CCSER2: variants seen among roughly 807,000 people sequenced by gnomAD.
CCSER2 encodes serine-rich coiled-coil domain-containing protein 2.
Under a neutral mutation model 92.3 loss-of-function variants are expected in CCSER2, and 46 were observed. The ratio of observed to expected loss-of-function variants is 0.50; its 90% CI spans 0.39 to 0.64. CCSER2 has a LOEUF of 0.64. Among genes scored for constraint, CCSER2 ranks in the 30% least tolerant of loss-of-function variants. The pLI is 0.00. For missense variants in CCSER2, 1,244 were observed against 1,238.9 expected (o/e 1.00, Z -0.06); for synonymous variants, 433 against 431.4 (o/e 1.00, Z -0.04).
intron 7 of CCSER2, among the ~76,000 whole-genome samples, chr10:84,468,151 C>T (rs1004037911): frequency 1.3e-5 from 2 of 152,128 alleles, no homozygotes; most frequent in Non-Finnish European, 2.9e-5. Context: ...CTTCTCCAGA[C>T]GTGCTATGCT....
chr10:84,430,932 G>A (rs1843728165), intron 5 of CCSER2, among the ~76,000 whole-genome samples: 1 of 152,076 alleles, frequency 6.6e-6, no homozygotes, highest in African/African-American at 2.4e-5. Context: ...CATTTGTCAT[G>A]CTTTATTTTT....
rs572251402 is a variant in CCSER2, at chr10:84,389,319, G to A, written c.1614+15504G>A. On this transcript the variant is annotated intron_variant, in intron 3 of 9. Transcript: ENST00000372088. ...CTGGCTAAAGATCAGTGCCACATCT[G>A]TCGAGCAATGTTGACAATCTCATCA... 323 of 522,936 alleles carry A rather than the reference G, an allele frequency of 6.2e-4. 7 individuals carry two copies. The highest frequency in any genetic ancestry group is 3.5e-3 in the South Asian group (253 of 72,208). 32.4% of individuals were successfully genotyped at this position (522,936 alleles called of 1,614,324 possible).
chr10:84,434,563 T>A (rs1470787124), intron 5 of CCSER2, among the ~76,000 whole-genome samples: 2 of 152,224 alleles, frequency 1.3e-5, no homozygotes, highest in African/African-American at 4.8e-5. Context: ...ATTTTAACAG[T>A]TGGTAAATAT....
intron 5 of CCSER2, among the ~76,000 whole-genome samples, chr10:84,426,450 A>G (rs1254875363): frequency 2.6e-5 from 4 of 152,188 alleles, no homozygotes; most frequent in Non-Finnish European, 4.4e-5. Flanking sequence ...CCTGGCGCAG[A>G]TTAGCTTTGC....
At chr10:84,412,337 A>T (rs920203905) in intron 3 of CCSER2, among the ~76,000 whole-genome samples, 34 of 151,638 alleles carry the variant, frequency 2.2e-4, no homozygotes, top group African/African-American at 7.5e-4. Context: ...CTCCTTTTTA[A>T]TTTTTTTGAA....
intron 1 of CCSER2, among the ~76,000 whole-genome samples, chr10:84,336,041 C>T (rs968236296): frequency 2.0e-5 from 3 of 152,072 alleles, no homozygotes; most frequent in African/African-American, 7.2e-5. Flanking sequence ...AATTTTTTCT[C>T]AGGTATATTT....
chr10:84,391,399 G>T (rs908847323), intron 3 of CCSER2: 1 of 1,492,260 alleles, frequency 6.7e-7, no homozygotes, highest in South Asian at 1.1e-5. Flanking sequence ...TGCATCAGTG[G>T]ATGCAGGATA....
intron 7 of CCSER2, among the ~76,000 whole-genome samples, chr10:84,466,917 G>A (rs1256270990): frequency 6.6e-6 from 1 of 152,130 alleles, no homozygotes; most frequent in Non-Finnish European, 1.5e-5. Flanking sequence ...GCTCTTCTGT[G>A]TTCTTAACTC....
intron 1 of CCSER2, among the ~76,000 whole-genome samples, chr10:84,343,964 CAGT>C (rs1844341448): frequency 6.6e-6 from 1 of 152,190 alleles, no homozygotes. Context: ...GTTTAATTGT[CAGT>C]TAATACCCAG....
chr10:84,450,018 TTAA>T (rs1322455474), intron 6 of CCSER2, among the ~76,000 whole-genome samples: 4 of 152,242 alleles, frequency 2.6e-5, no homozygotes, highest in African/African-American at 9.6e-5. Flanking sequence ...ATGTTAGCAG[TTAA>T]TAATAGCAAC....
intron 3 of CCSER2, among the ~76,000 whole-genome samples, chr10:84,406,334 T>C (rs1842375165): frequency 6.6e-6 from 1 of 152,220 alleles, no homozygotes; most frequent in South Asian, 2.1e-4. Flanking sequence ...TTCTGCATCC[T>C]AATTGCGTAG....
intron 1 of CCSER2, among the ~76,000 whole-genome samples, chr10:84,334,145 T>C (rs1843713152): frequency 6.6e-6 from 1 of 152,174 alleles, no homozygotes; most frequent in African/African-American, 2.4e-5. Flanking sequence ...GACATGAGCA[T>C]GTAGAATGCT....
chr10:84,511,518 A>C (rs895314770), intron 9 of CCSER2, among the ~76,000 whole-genome samples: 1 of 152,248 alleles, frequency 6.6e-6, no homozygotes, highest in African/African-American at 2.4e-5. Flanking sequence ...TATTACAATA[A>C]AGTCCATTTT....
rs143525691 is a variant in CCSER2 at position 84,448,153 on chromosome 10, C to T, written c.2064+9446C>T. 1.6e-3 allele frequency among the ~76,000 whole-genome samples: 248 copies of T among 152,150 alleles called. 2 individuals are homozygous for T. Among genetic ancestry groups the T allele is most frequent in the African/African-American group, 5.6e-3 (231 of 41,516 alleles). On this transcript the variant is annotated intron_variant, in intron 6 of 9. Coordinates refer to ENST00000372088, the MANE Select transcript of CCSER2 (RefSeq NM_001284240.2). ...TGACACTGCACATCAGTTGAGTCTACGCATGGATGCCCTCCTTACCCATTT... is the reference window on the plus strand; with the variant it reads ...TGACACTGCACATCAGTTGAGTCTATGCATGGATGCCCTCCTTACCCATTT...
intron 1 of CCSER2, among the ~76,000 whole-genome samples, chr10:84,338,649 G>A (rs1005852761): frequency 1.3e-5 from 2 of 152,110 alleles, no homozygotes; most frequent in Admixed American, 6.6e-5. Flanking sequence ...CAACCTATTT[G>A]TTATGGTAGT....
chr10:84,337,141 T>C (rs1328973016), intron 1 of CCSER2, among the ~76,000 whole-genome samples: 3 of 152,160 alleles, frequency 2.0e-5, no homozygotes, highest in Admixed American at 6.5e-5. Flanking sequence ...GTTAGAGATA[T>C]ATAAATTTGC....
chr10:84,424,858 G>A (rs1472397349), intron 4 of CCSER2: 3 of 197,764 alleles, frequency 1.5e-5, no homozygotes, highest in African/African-American at 4.7e-5. Context: ...AGCACTGAGT[G>A]AAGATGGAGT....
At chr10:84,505,612 A>G (rs548666268) in intron 9 of CCSER2, among the ~76,000 whole-genome samples, 2 of 152,310 alleles carry the variant, frequency 1.3e-5, no homozygotes, top group South Asian at 4.1e-4. Flanking sequence ...AACTTTACTA[A>G]TTCAATTTCG....
intron 5 of CCSER2, among the ~76,000 whole-genome samples, chr10:84,438,151 A>G (rs1844300760): frequency 1.3e-5 from 2 of 152,214 alleles, no homozygotes; most frequent in Non-Finnish European, 1.5e-5. Context: ...CAATTTAAGA[A>G]GTTAAACAAA....
Sources: allele counts gnomAD v4.1 joint callset (sites outside exome capture counted in the v4.1 genomes callset), GRCh38; gene constraint gnomAD v4.1.1; transcripts MANE v1.5; gene names NCBI Gene and HGNC (gene_info 2026-07-23, HGNC 2026-07-21).